IL34: variants seen among roughly 807,000 people sequenced by gnomAD.
IL34 encodes the protein interleukin-34.
A neutral mutation model predicts 25.3 loss-of-function variants in IL34; 17 were observed. The observed-to-expected ratio is 0.67, with a 90% CI of 0.46 to 1.01. The LOEUF is 1.01. IL34 is among the 50% of genes least tolerant of loss of function. IL34 has a pLI of 0.00. For synonymous variants in IL34, 174 were observed against 140.9 expected (o/e 1.23, Z -1.66); for missense variants, 368 against 312.9 (o/e 1.18, Z -1.33).
intron 1 of IL34, among the ~76,000 whole-genome samples, chr16:70,618,574 G>A (rs1369724739): frequency 6.6e-6 from 1 of 152,216 alleles, no homozygotes; most frequent in Non-Finnish European, 1.5e-5. Flanking sequence ...GCTGCACGCA[G>A]ACATGAGGGC....
At chr16:70,607,922 C>T (rs2051032078) in intron 1 of IL34, among the ~76,000 whole-genome samples, 1 of 151,788 alleles carries the variant, frequency 6.6e-6, no homozygotes, top group South Asian at 2.1e-4. Flanking sequence ...CGAGGGTCAC[C>T]ATGCCTGGCT....
Position 70,660,106 on chromosome 16 carries a change from C to A in IL34, c.648C>A (p.Pro216=), listed in dbSNP as rs763570329. The A allele has an allele frequency of 1.2e-6, 2 of 1,613,362 alleles. No individual in the cohort carries two copies. Among genetic ancestry groups the A allele is most frequent in the African/African-American group, 2.7e-5 (2 of 74,904 alleles). ...QYAATQLYPP[P]PWSPSSPPHS... is the part of the protein sequence containing the mutation. ...CGGCCACCCAGCTGTACCCTCCGCC[C>A]CCGTGGTCCCCCAGCTCCCCGCCTC... The change falls in exon 6 of 6, where the codon CCC becomes CCA. Residue 216 remains proline (P), a synonymous_variant. Coordinates refer to ENST00000288098, the MANE Select transcript of IL34 (RefSeq NM_001393494.1).
chr16:70,615,566 G>A (rs1057253097), intron 1 of IL34, among the ~76,000 whole-genome samples: 1 of 152,132 alleles, frequency 6.6e-6, no homozygotes, highest in South Asian at 2.1e-4. Context: ...AGGTGTCTGA[G>A]TTGCCAATCT....
At chr16:70,627,956 C>A (rs78321692) in intron 1 of IL34, among the ~76,000 whole-genome samples, 1 of 152,108 alleles carries the variant, frequency 6.6e-6, no homozygotes, top group Non-Finnish European at 1.5e-5. Flanking sequence ...TATTTACTTA[C>A]GAAAGAAATT....
rs545729129 is a variant in IL34 at position 70,601,667 on chromosome 16, T to G, written c.-401+21618T>G. Among the ~76,000 whole-genome samples, 5 of 152,362 alleles carry G rather than the reference T, an allele frequency of 3.3e-5. No homozygotes were observed. The South Asian group carries it at 1.0e-3, about 32-fold the overall frequency. On this transcript the variant is annotated intron_variant, in intron 1 of 6. Transcript: ENST00000429149. Reference sequence around the variant, plus strand: ...TGCCTGTCTTGGCCTCCCCAAGTACTGAGATTATAGGCATGAGCCACTGCC... The same window carrying G: ...TGCCTGTCTTGGCCTCCCCAAGTACGGAGATTATAGGCATGAGCCACTGCC...
intron 1 of IL34, among the ~76,000 whole-genome samples, chr16:70,593,136 AT>A (rs1276186789): frequency 2.6e-5 from 4 of 152,016 alleles, no homozygotes; most frequent in African/African-American, 9.7e-5. Flanking sequence ...CCTATTGTCC[AT>A]TTTTTAACTG....
At chr16:70,615,110 C>T (rs978570426) in intron 1 of IL34, among the ~76,000 whole-genome samples, 1 of 152,196 alleles carries the variant, frequency 6.6e-6, no homozygotes, top group African/African-American at 2.4e-5. Context: ...TGTTACCCCC[C>T]AAATCTCTGG....
chr16:70,643,283 C>T (rs746412317), upstream of IL34, among the ~76,000 whole-genome samples: 3 of 152,152 alleles, frequency 2.0e-5, no homozygotes, highest in Non-Finnish European at 4.4e-5. Context: ...AGGCTGGTCT[C>T]GAATCCCTGA....
chr16:70,592,608 A>G (rs1180387667), intron 1 of IL34, among the ~76,000 whole-genome samples: 2 of 152,192 alleles, frequency 1.3e-5, no homozygotes, highest in Non-Finnish European at 2.9e-5. Flanking sequence ...AAAAAAAATC[A>G]GTAGACTTTT....
intron 1 of IL34, among the ~76,000 whole-genome samples, chr16:70,607,276 G>T (rs1264248042): frequency 6.6e-6 from 1 of 151,950 alleles, no homozygotes; most frequent in African/African-American, 2.4e-5. Context: ...TAATTTTTTT[G>T]TATTTTTTTA....
At chr16:70,623,163 C>G (rs1409357805) in intron 1 of IL34, among the ~76,000 whole-genome samples, 1 of 152,024 alleles carries the variant, frequency 6.6e-6, no homozygotes. Flanking sequence ...TGACGCCTTG[C>G]AGCAGTACAG....
chr16:70,625,694 G>T (rs1314908825), intron 1 of IL34, among the ~76,000 whole-genome samples: 1 of 151,896 alleles, frequency 6.6e-6, no homozygotes, highest in African/African-American at 2.4e-5. Flanking sequence ...CGTGACAGGC[G>T]CTGGAGTTTT....
chr16:70,610,418 A>G (rs1031352569), intron 1 of IL34, among the ~76,000 whole-genome samples: 1 of 152,138 alleles, frequency 6.6e-6, no homozygotes, highest in African/African-American at 2.4e-5. Flanking sequence ...CATCTGGCCC[A>G]TGTGTCCAGT....
intron 1 of IL34, among the ~76,000 whole-genome samples, chr16:70,585,474 C>T (rs1039912280): frequency 2.6e-5 from 4 of 151,774 alleles, no homozygotes; most frequent in Admixed American, 6.6e-5. Flanking sequence ...AGATGGATTA[C>T]GAGGAGATTG....
intron 1 of IL34, among the ~76,000 whole-genome samples, chr16:70,624,427 G>C (rs143505758): frequency 5.3e-5 from 8 of 152,270 alleles, no homozygotes; most frequent in East Asian, 1.9e-4. Context: ...TGTGGGGTTT[G>C]AGGGCCAGAT....
intron 1 of IL34, among the ~76,000 whole-genome samples, chr16:70,603,947 C>T (rs1231024498): frequency 6.6e-6 from 1 of 152,168 alleles, no homozygotes. Context: ...CTGGTTGATA[C>T]ATGTTAGCAG....
In IL34 at chr16:70,605,718, C is replaced by T. The variant is rs568659240; in HGVS notation, c.-401+25669C>T. ...GGAGTTTCACTCTTGTTGCCCAGAC[C>T]GGAGTGCAGCAGCGCAATCTCGGCT... On this transcript the variant is annotated intron_variant, in intron 1 of 6. Coordinates refer to the IL34 transcript ENST00000429149. 2.6e-5 allele frequency among the ~76,000 whole-genome samples: 4 copies of T among 152,022 alleles called. No homozygotes were observed. In the South Asian group the frequency reaches 6.2e-4, roughly 24 times the overall value.
rs2051946618 is a variant in IL34, at chr16:70,646,888, C to G, written c.-60C>G. Reference sequence around the variant, plus strand: ...GAGGCCATGTAGGCCGTGCTTAGGCCTCTGTGGACACACTGCTGGGGACGG... The same window carrying G: ...GAGGCCATGTAGGCCGTGCTTAGGCGTCTGTGGACACACTGCTGGGGACGG... On this transcript the variant is annotated 5_prime_UTR_variant, in exon 1 of 6. Transcript: ENST00000288098. The G allele has an allele frequency of 2.7e-6, 4 of 1,455,496 alleles. No individual in the cohort carries two copies. The highest frequency in any genetic ancestry group is 3.6e-6 in the Non-Finnish European group (4 of 1,104,464). 90.2% of individuals were successfully genotyped at this position (1,455,496 alleles called of 1,614,324 possible).
At chr16:70,589,700 G>A (rs887736223) in intron 1 of IL34, among the ~76,000 whole-genome samples, 6 of 149,660 alleles carry the variant, frequency 4.0e-5, no homozygotes, top group South Asian at 2.1e-4. Context: ...TCAGTTCACC[G>A]CAACTTCAGC....
Sources: gnomAD v4.1 joint callset for allele counts (sites outside exome capture counted in the v4.1 genomes callset) on GRCh38, gnomAD v4.1.1 for gene constraint, MANE v1.5 for transcripts, NCBI Gene and HGNC (gene_info 2026-07-23, HGNC 2026-07-21) for gene names.